MAN2C1: variants seen among roughly 807,000 people sequenced by gnomAD.
MAN2C1 encodes alpha-mannosidase 2C1.
MAN2C1 carries 111 observed loss-of-function variants against 126.9 expected under a neutral mutation model. That is an observed-to-expected ratio of 0.87 (90% CI 0.75 to 1.02). The LOEUF is 1.02. Ranked by LOEUF, MAN2C1 falls within the 50% of genes least tolerant of loss-of-function variation. The probability of loss-of-function intolerance (pLI) is 0.00; values close to 1 mark genes in which losing one functional copy is unlikely to be tolerated. For missense variants in MAN2C1, 1,363 were observed against 1,364.4 expected (o/e 1.00, Z 0.02); for synonymous variants, 567 against 561.5 (o/e 1.01, Z -0.14).
chr15:75,367,822 A>G, intron 2 of MAN2C1, 188 bp from the exon 3 acceptor site: 1 of 882,280 alleles, frequency 1.1e-6, no homozygotes, highest in Non-Finnish European at 1.7e-6. Context: ...AGAGGCGTCA[A>G]AGGTTCGTGA....
At chr15:75,364,226 C>T in intron 5 of MAN2C1, 38 bp from the exon 6 acceptor site, 2 of 1,570,158 alleles carry the variant, frequency 1.3e-6, no homozygotes, top group Non-Finnish European at 1.7e-6. Context: ...CTTTTTCAAG[C>T]ACAGCTTCCA....
Position 75,364,665 on chromosome 15 carries a change from G to A in MAN2C1, c.423C>T (p.Ser141=), listed in dbSNP as rs1345763193. 1 of 1,607,178 alleles carries A rather than the reference G, an allele frequency of 6.2e-7. No homozygotes were observed. Among genetic ancestry groups the A allele is most frequent in the South Asian group, 1.1e-5 (1 of 90,176 alleles). Residue 141 remains serine, a splice_region_variant and synonymous_variant, in exon 5 of 26, where the codon AGC becomes AGT. Transcript: ENST00000267978. ...TDRLGERDPR[S]LTLYVEVACN... The stretch of plus-strand genomic sequence containing the variant: ...AGGCTACTTCCACATAGAGAGTGAG[G>A]CTACAAAGATGGGGAGACAGCCTCA...
rs2072581941 is a variant in MAN2C1, at chr15:75,366,661, TG to T, written c.352-70del. ...GACAGTTCAGGTAAAGTGTAAGCCA[TG>T]GGGAGTCAGGCCCCTCCATCTGGTT... is the stretch of plus-strand genomic sequence containing the variant. On this transcript the variant is annotated intron_variant, in intron 3 of 25. Transcript: ENST00000267978. 1.7e-5 allele frequency: 20 copies of T among 1,211,788 alleles called. No individual in the cohort carries two copies. The South Asian group carries it at 2.7e-4, about 16-fold the overall frequency. 75.1% of individuals were successfully genotyped at this position (1,211,788 alleles called of 1,614,324 possible).
At position 75,362,421 on chromosome 15, in the gene MAN2C1, G is replaced by T; in HGVS notation, c.930C>A (p.Tyr310Ter). 1 of 1,613,674 alleles carries T rather than the reference G, an allele frequency of 6.2e-7. No homozygotes were observed. Among genetic ancestry groups the T allele is most frequent in the Non-Finnish European group, 8.5e-7 (1 of 1,179,986 alleles). ...AQQLEWVKSR[Y>*]PGLYSRIQEF... ...CCTGGATGCGGGAGTACAGGCCAGG[G>T]TAGCGGCTCTTCACCCATTCCAGCT... Residue 310 changes from tyrosine to a stop codon, truncating the protein, a stop_gained, in exon 8 of 26, where the codon TAC becomes TAA. Coordinates refer to ENST00000267978, the MANE Select transcript of MAN2C1 (RefSeq NM_006715.4). LOFTEE classifies it high-confidence loss of function. This position sits in a 1 kb window ranked among gnomAD's most constrained non-coding sequence, Gnocchi z 4.5.
In MAN2C1 at chr15:75,362,595, A is replaced by C; in HGVS notation, c.897+47T>G. 1 of 1,590,272 alleles carries C rather than the reference A, an allele frequency of 6.3e-7. No homozygotes were observed. The highest frequency in any genetic ancestry group is 2.2e-5 in the East Asian group (1 of 44,694). ...AAGCCTTCAGGGCCTGTGGAGCTCC[A>C]GGGAGGGCCACGTGCTTCCCTCCTC... is the stretch of plus-strand genomic sequence containing the variant. On this transcript the variant is annotated intron_variant, in intron 7 of 25. Coordinates refer to ENST00000267978, the MANE Select transcript of MAN2C1 (RefSeq NM_006715.4). The surrounding 1 kb of genome is among the most constrained non-coding windows in gnomAD (Gnocchi z 4.5).
At position 75,360,601 on chromosome 15, in the gene MAN2C1, C is replaced by T; in HGVS notation, c.1548G>A (p.Leu516=). 1 of 1,613,914 alleles carries T rather than the reference C, an allele frequency of 6.2e-7. No homozygotes were observed. Among genetic ancestry groups the T allele is most frequent in the Non-Finnish European group, 8.5e-7 (1 of 1,179,998 alleles). ...QLCTWVGELF[L]ELHNGTYTTH... Reference sequence around the variant, plus strand: ...TGGTGTATGTGCCATTGTGCAGCTCCAAGAAGAGCTCCCCAACCCACGTGC... The same window carrying T: ...TGGTGTATGTGCCATTGTGCAGCTCTAAGAAGAGCTCCCCAACCCACGTGC... The change falls in exon 13 of 26, where the codon TTG becomes TTA. Residue 516 remains leucine, a synonymous_variant. Transcript: ENST00000267978.
In MAN2C1 at chr15:75,356,989, AC is replaced by A; in HGVS notation, c.2548-88del. ...CAGAGCTCCTGTCACTAGGCCGAGCACAAGCTCTAGAACCACACAACTGAAC... is the reference window on the plus strand; with the variant it reads ...CAGAGCTCCTGTCACTAGGCCGAGCAAAGCTCTAGAACCACACAACTGAAC... On this transcript the variant is annotated intron_variant, in intron 21 of 25. Transcript: ENST00000267978. The surrounding 1 kb of genome is among the most constrained non-coding windows in gnomAD (Gnocchi z 5.8). 1 of 1,101,806 alleles carries A rather than the reference AC, an allele frequency of 9.1e-7. No individual in the cohort carries two copies. Among genetic ancestry groups the A allele is most frequent in the South Asian group, 1.4e-5 (1 of 73,642 alleles). 68.3% of individuals were successfully genotyped at this position (1,101,806 alleles called of 1,614,324 possible).
At chr15:75,357,066 C>G in intron 21 of MAN2C1, 164 bp from the exon 22 acceptor site, 1 of 605,162 alleles carries the variant, frequency 1.7e-6, no homozygotes, top group Non-Finnish European at 3.0e-6. Context: ...CCTGCCTAAG[C>G]CTCAGTTTCC....
At chr15:75,360,806 G>A (rs904144303) in intron 12 of MAN2C1, 118 bp from the exon 13 acceptor site, 55 of 1,381,066 alleles carry the variant, frequency 4.0e-5, no homozygotes, top group Non-Finnish European at 4.5e-5. Flanking sequence ...AAAGCTCCCC[G>A]TTCACAGATG....
chr15:75,359,584 C>T (rs780747161), intron 16 of MAN2C1, 36 bp downstream of exon 16: 58 of 1,608,998 alleles, frequency 3.6e-5, no homozygotes, highest in Non-Finnish European at 4.9e-5. Context: ...CTCCATCCTT[C>T]CTGCTGCAGT....
chr15:75,360,139 G>A lies in MAN2C1; in HGVS notation c.1657C>T (p.Arg553Cys), dbSNP rs368392975. The change falls in exon 14 of 26, where the codon CGC (arginine) becomes TGC (cysteine). Residue 553 changes from arginine (R) to cysteine (C), a missense_variant. Coordinates refer to ENST00000267978, the MANE Select transcript of MAN2C1 (RefSeq NM_006715.4). ...VELLSSLALA[R>C]SAQFLYPAAQ... ...GCTGGGTATAGGAACTGGGCACTGC[G>A]GGCCAGGGCCAGGCTACTGAGCAGC... 3.0e-5 allele frequency: 48 copies of A among 1,613,588 alleles called. No homozygotes were observed. Among genetic ancestry groups the A allele is most frequent in the South Asian group, 6.6e-5 (6 of 91,084 alleles).
rs1368428804 is a variant in MAN2C1 at position 75,358,268 on chromosome 15, T to G, written c.2480A>C (p.Glu827Ala). The G allele has an allele frequency of 6.2e-7, 1 of 1,614,020 alleles. No individual in the cohort carries two copies. The highest frequency in any genetic ancestry group is 1.3e-5 in the African/African-American group (1 of 74,904). The part of the protein sequence containing the change: ...ARVRSSQATY[E>A]IQFGHLQRPT... ...TCGCTGCAGGTGCCCAAACTGGATC[T>G]CATAGGTGGCCTGGGAACTCCGCAC... The change falls in exon 21 of 26, where the codon GAG becomes GCG. Residue 827 changes from glutamate (E) to alanine (A), a missense_variant. This residue lies in a region of MAN2C1 where 668 missense variants were observed against 650.1 expected (regional missense o/e 1.03). Coordinates refer to ENST00000267978, the MANE Select transcript of MAN2C1 (RefSeq NM_006715.4).
chr15:75,358,532 C>T lies in MAN2C1; in HGVS notation c.2333G>A (p.Ser778Asn). 6.2e-7 allele frequency: 1 copy of T among 1,613,484 alleles called. No homozygotes were observed. Among genetic ancestry groups the T allele is most frequent in the Non-Finnish European group, 8.5e-7 (1 of 1,180,026 alleles). The change falls in exon 20 of 26, where the codon AGC (serine) becomes AAC (asparagine). Residue 778 changes from serine to asparagine, a missense_variant. Ser to Asn is a conservative substitution (Grantham distance 46). Transcript: ENST00000267978. The part of the protein sequence containing the change: ...RGSAWFLLQI[S>N]PNSRLSQEVV... ...CTCCTGGCTAAGCCGACTGTTGGGG[C>T]TGATCTGTAGCAAGAACCAGGCGCT...
rs759057979 is a variant in MAN2C1 at position 75,368,112 on chromosome 15, T to C, written c.188A>G (p.Asp63Gly). 5.6e-6 allele frequency: 9 copies of C among 1,607,252 alleles called. No homozygotes were observed. The highest frequency in any genetic ancestry group is 5.9e-6 in the Non-Finnish European group (7 of 1,177,840). ...GTCGCCGACCTGCGCGGGGCGGAAG[T>C]CCCGCTGGACTGCCTCCTGGTAGGG... ...RLPYQEAVQR[D>G]FRPAQVGDSF... The change falls in exon 2 of 26, where the codon GAC (aspartate) becomes GGC (glycine). Residue 63 changes from aspartate (D) to glycine (G), a missense_variant. This residue lies in a region of MAN2C1 where 628 missense variants were observed against 609.8 expected (regional missense o/e 1.03). Coordinates refer to ENST00000267978, the MANE Select transcript of MAN2C1 (RefSeq NM_006715.4).
Position 75,360,652 on chromosome 15 carries a change from T to C in MAN2C1, c.1497A>G (p.Ala499=). Reference sequence around the variant, plus strand: ...ACAGCTGCTCTGAGTCACTCTCCAGTGCTGAGAAGAGCTGTCTTGGAGAAG... The same window carrying C: ...ACAGCTGCTCTGAGTCACTCTCCAGCGCTGAGAAGAGCTGTCTTGGAGAAG... ...QLSSPRQLFS[A]LESDSEQLCT... Residue 499 remains alanine, a synonymous_variant, in exon 13 of 26, where the codon GCA becomes GCG. Transcript: ENST00000267978. 6.2e-7 allele frequency: 1 copy of C among 1,613,876 alleles called. No homozygotes were observed. The highest frequency in any genetic ancestry group is 8.5e-7 in the Non-Finnish European group (1 of 1,179,988).
Position 75,364,594 on chromosome 15 carries a change from G to A in MAN2C1, c.494C>T (p.Pro165Leu), listed in dbSNP as rs2072539128. 2 of 1,613,604 alleles carry A rather than the reference G, an allele frequency of 1.2e-6. No individual in the cohort carries two copies. Among genetic ancestry groups the A allele is most frequent in the Non-Finnish European group, 1.7e-6 (2 of 1,179,758 alleles). Residue 165 changes from proline to leucine, a missense_variant, in exon 5 of 26, where the codon CCT becomes CTT. Pro to Leu is a moderately conservative substitution (Grantham distance 98). This residue lies in a region of MAN2C1 where 628 missense variants were observed against 609.8 expected (regional missense o/e 1.03). Transcript: ENST00000267978. ...CAGCTGGAACATCTTCTCAGGGTCA[G>A]GGGCTGCAATCATGCTTCCCTTCCC... ...GAGKGSMIAA[P>L]DPEKMFQLSR...
chr15:75,361,690 C>T lies in MAN2C1; in HGVS notation c.1132G>A (p.Ala378Thr). The T allele has an allele frequency of 1.9e-6, 3 of 1,614,022 alleles. No individual in the cohort carries two copies. Among genetic ancestry groups the T allele is most frequent in the Non-Finnish European group, 2.5e-6 (3 of 1,180,018 alleles). ...CCGTGCATGATCTGGGGGAGCTGTGCTGAGTAGCCAAAGGTGTCCGGCAGC... is the reference window on the plus strand; with the variant it reads ...CCGTGCATGATCTGGGGGAGCTGTGTTGAGTAGCCAAAGGTGTCCGGCAGC... ...FWLPDTFGYS[A>T]QLPQIMHGCG... The change falls in exon 10 of 26, where the codon GCA (alanine) becomes ACA (threonine). Residue 378 changes from alanine (A) to threonine (T), a missense_variant. Coordinates refer to ENST00000267978, the MANE Select transcript of MAN2C1 (RefSeq NM_006715.4). This position sits in a 1 kb window ranked among gnomAD's most constrained non-coding sequence, Gnocchi z 5.0.
chr15:75,359,794 G>A lies in MAN2C1; in HGVS notation c.1793-19C>T, dbSNP rs373443342. ...CGGATGTCTGAGGAAAGACTGGCTG[G>A]TCATAGGTGGGCAACAGGTCTGGAA... On this transcript the variant is annotated intron_variant, in intron 15 of 25. Transcript: ENST00000267978. The A allele has an allele frequency of 8.7e-6, 14 of 1,613,654 alleles. No individual in the cohort carries two copies. In the African/African-American group the frequency reaches 1.7e-4, roughly 20 times the overall value.
Position 75,359,318 on chromosome 15 carries a change from C to A in MAN2C1, c.2046+10G>T. 6.3e-7 allele frequency: 1 copy of A among 1,583,442 alleles called. No homozygotes were observed. The highest frequency in any genetic ancestry group is 8.6e-7 in the Non-Finnish European group (1 of 1,163,356). On this transcript the variant is annotated intron_variant, in intron 17 of 25. Transcript: ENST00000267978. ...CACAGTTCCTGCCCCCCAGGGCATG[C>A]AGGACTCACCTCTTGCACTACGAAC...
Sources: allele counts gnomAD v4.1 joint callset, GRCh38; gene constraint gnomAD v4.1.1; regional missense constraint gnomAD v4.1.1; non-coding constraint Gnocchi (gnomAD v3.1); transcripts MANE v1.5; gene names NCBI Gene and HGNC (gene_info 2026-07-23, HGNC 2026-07-21).